Variants in TRIM66 observed in about 807,000 individuals in gnomAD.
The protein encoded by TRIM66 is tripartite motif containing 66.
A neutral mutation model predicts 148.2 loss-of-function variants in TRIM66; 99 were observed. The observed-to-expected ratio is 0.67, with a 90% CI of 0.57 to 0.79. The LOEUF (loss-of-function observed/expected upper bound fraction) is 0.79. TRIM66 is among the 30% of genes least tolerant of loss of function. The pLI is 0.00. For synonymous variants in TRIM66, 616 were observed against 635.9 expected (o/e 0.97, Z 0.47); for missense variants, 1,666 against 1,697.9 (o/e 0.98, Z 0.33).
chr11:8,621,512 G>C (rs1488332528), intron 19 of TRIM66, 133 bp downstream of exon 19: 2 of 1,312,730 alleles, frequency 1.5e-6, no homozygotes, highest in East Asian at 2.5e-5. Context: ...TGCAGCAGGG[G>C]ACAACGTCTG....
Position 8,640,337 on chromosome 11 carries a change from T to A in TRIM66, c.2038A>T (p.Ser680Cys). ...AGATGCTGAGGAGATTTGGTCTGAC[T>A]CAGTTGCAGGCTGGGCTGTTGAGCC... is the stretch of plus-strand genomic sequence containing the variant. ...LQAQQPSLQLSQTKSPQHLQQ... is the reference protein window; with the variant it reads ...LQAQQPSLQLCQTKSPQHLQQ... Residue 680 changes from serine to cysteine, a missense_variant, in exon 14 of 25, where the codon AGT (serine) becomes TGT (cysteine). Coordinates refer to ENST00000646038, the MANE Select transcript of TRIM66 (RefSeq NM_001388022.1). The A allele has an allele frequency of 4.5e-6, 7 of 1,551,734 alleles. No homozygotes were observed. The highest frequency in any genetic ancestry group is 6.1e-6 in the Non-Finnish European group (7 of 1,147,018).
intron 15 of TRIM66, among the ~76,000 whole-genome samples, chr11:8,633,102 A>T (rs2035564173): frequency 6.6e-6 from 1 of 152,178 alleles, no homozygotes; most frequent in Non-Finnish European, 1.5e-5. Context: ...GACTCAGGAG[A>T]ATTTGGTCAA....
intron 3 of TRIM66, among the ~76,000 whole-genome samples, chr11:8,677,636 A>G (rs1403639911): frequency 6.6e-6 from 1 of 152,150 alleles, no homozygotes; most frequent in East Asian, 1.9e-4. Context: ...AAAAAAACAG[A>G]ACTAGGAAAT....
chr11:8,625,087 G>A lies in TRIM66; in HGVS notation c.2452C>T (p.Leu818=). The A allele has an allele frequency of 6.4e-7, 1 of 1,551,746 alleles. No individual in the cohort carries two copies. The highest frequency in any genetic ancestry group is 8.7e-7 in the Non-Finnish European group (1 of 1,147,014). The change falls in exon 16 of 25, where the codon CTG becomes TTG. Residue 818 remains leucine (L), a synonymous_variant. Coordinates refer to ENST00000646038, the MANE Select transcript of TRIM66 (RefSeq NM_001388022.1). ...ACCATTTTGGGGGGAGCACTCAGCAGGCTTGGTACTGCCTGGGGGGCACCA... is the reference window on the plus strand; with the variant it reads ...ACCATTTTGGGGGGAGCACTCAGCAAGCTTGGTACTGCCTGGGGGGCACCA... ...TAGAPQAVPS[L]LSAPPKMVSS...
chr11:8,655,638 T>C (rs7950528), intron 6 of TRIM66, among the ~76,000 whole-genome samples: 53,838 of 151,790 alleles, frequency 0.35, 9,962 homozygotes, highest in East Asian at 0.6. Context: ...CAAAAATTAG[T>C]CAGGCGTGGT....
chr11:8,627,144 TA>T (rs2034929198), intron 15 of TRIM66, among the ~76,000 whole-genome samples: 1 of 152,230 alleles, frequency 6.6e-6, no homozygotes, highest in South Asian at 2.1e-4. Flanking sequence ...TTTCCCCTAC[TA>T]AAGTGTAAAC....
rs775657531 is a variant in TRIM66 at position 8,612,884 on chromosome 11, C to T, written c.*5060G>A. The T allele has an allele frequency of 1.3e-5, 2 of 152,326 alleles. No individual in the cohort carries two copies. The highest frequency in any genetic ancestry group is 2.9e-5 in the Non-Finnish European group (2 of 68,136). The allele number at this position is 152,326 out of a possible 1,614,324, so 9.4% of individuals were successfully genotyped here. Reference sequence around the variant, plus strand: ...GTGCAGGATCATGGTGAGGAGCTGCCCACCAGCCTGGTAATCCAGTTTAGC... The same window carrying T: ...GTGCAGGATCATGGTGAGGAGCTGCTCACCAGCCTGGTAATCCAGTTTAGC... On this transcript the variant is annotated 3_prime_UTR_variant, in exon 25 of 25. Coordinates refer to ENST00000646038, the MANE Select transcript of TRIM66 (RefSeq NM_001388022.1).
chr11:8,622,528 C>A (rs560169698), intron 18 of TRIM66, among the ~76,000 whole-genome samples: 33 of 151,462 alleles, frequency 2.2e-4, no homozygotes, highest in Admixed American at 1.4e-3. Flanking sequence ...CTCTGCATGG[C>A]CAGGCCCTGT....
At chr11:8,635,606 T>C (rs1244029515) in intron 15 of TRIM66, among the ~76,000 whole-genome samples, 1 of 152,200 alleles carries the variant, frequency 6.6e-6, no homozygotes, top group African/African-American at 2.4e-5. Flanking sequence ...GGGTCCTTTT[T>C]CTGGGAGTTC....
At chr11:8,650,430 G>A (rs1281760034) in intron 7 of TRIM66, among the ~76,000 whole-genome samples, 1 of 150,424 alleles carries the variant, frequency 6.6e-6, no homozygotes, top group African/African-American at 2.4e-5. Context: ...GGAGGAAGAG[G>A]AGGAGAGGAG....
At chr11:8,657,999 C>A (rs16938564) in intron 6 of TRIM66, among the ~76,000 whole-genome samples, 1 of 152,222 alleles carries the variant, frequency 6.6e-6, no homozygotes, top group Non-Finnish European at 1.5e-5. Flanking sequence ...GCTTACCAAG[C>A]GCCCAGGAAC....
At chr11:8,669,310 G>A (rs1428373475) in intron 6 of TRIM66, among the ~76,000 whole-genome samples, 3 of 152,100 alleles carry the variant, frequency 2.0e-5, no homozygotes, top group Admixed American at 2.0e-4. Flanking sequence ...GAAATCAATG[G>A]TAATACCTTG....
intron 6 of TRIM66, among the ~76,000 whole-genome samples, chr11:8,653,149 G>C (rs2037510952): frequency 6.6e-6 from 1 of 152,166 alleles, no homozygotes; most frequent in Non-Finnish European, 1.5e-5. Flanking sequence ...TTGAGTGGTA[G>C]ATTCAAAAAA....
chr11:8,624,309 A>G (rs773240626), intron 17 of TRIM66, 50 bp downstream of exon 17: 23 of 1,533,060 alleles, frequency 1.5e-5, no homozygotes, highest in South Asian at 2.5e-5. Context: ...TGCTGAGTCC[A>G]TCTGCTCAAG....
At chr11:8,646,387 C>G (rs778069347) in intron 11 of TRIM66, 60 bp downstream of exon 11, 14 of 1,397,308 alleles carry the variant, frequency 1.0e-5, no homozygotes, top group Non-Finnish European at 1.4e-5. Flanking sequence ...GGTCCTGGGA[C>G]TAGCTTGATA....
intron 9 of TRIM66, 59 bp from the exon 10 acceptor site, chr11:8,648,145 A>T: frequency 7.1e-7 from 1 of 1,413,584 alleles, no homozygotes; most frequent in Non-Finnish European, 9.8e-7. Flanking sequence ...GAGCATGCCA[A>T]CCAAGCGGGA....
At chr11:8,648,676 T>C (rs2037080141) in intron 8 of TRIM66, 128 bp from the exon 9 acceptor site, 1 of 1,175,592 alleles carries the variant, frequency 8.5e-7, no homozygotes, top group Non-Finnish European at 1.2e-6. Context: ...GGAAGTGTTA[T>C]AAACAGGAGA....
intron 13 of TRIM66, among the ~76,000 whole-genome samples, chr11:8,641,484 C>T (rs562665898): frequency 3.2e-4 from 48 of 152,268 alleles, no homozygotes; most frequent in Admixed American, 7.8e-4. Context: ...CCCAATCAGA[C>T]TCTCACAAAA....
At chr11:8,662,509 T>A (rs891343662) in intron 6 of TRIM66, among the ~76,000 whole-genome samples, 1 of 152,170 alleles carries the variant, frequency 6.6e-6, no homozygotes, top group Admixed American at 6.5e-5. Flanking sequence ...AGCATCGGGC[T>A]ATGGTAGTTA....
Sources: allele counts gnomAD v4.1 joint callset (sites outside exome capture counted in the v4.1 genomes callset), GRCh38; gene constraint gnomAD v4.1.1; transcripts MANE v1.5; gene names NCBI Gene and HGNC (gene_info 2026-07-23, HGNC 2026-07-21).